PPP1R21: variants seen among roughly 807,000 people sequenced by gnomAD.
PPP1R21 encodes the protein KLRAQ motif containing 1.
Under a neutral mutation model 112.8 loss-of-function variants are expected in PPP1R21, and 85 were observed. That is an observed-to-expected ratio of 0.75 (90% CI 0.63 to 0.90). The LOEUF (loss-of-function observed/expected upper bound fraction) is 0.90. Ranked by LOEUF, PPP1R21 falls within the 40% of genes least tolerant of loss-of-function variation. PPP1R21 has a pLI of 0.00. For synonymous variants in PPP1R21, 381 were observed against 322.3 expected, an observed-to-expected ratio of 1.18 and a Z score of -1.95; for missense variants, 1,199 against 901.5, an observed-to-expected ratio of 1.33 and a Z score of -4.23.
Position 48,471,067 on chromosome 2 carries a change from AT to A in PPP1R21, c.898-19del. The stretch of plus-strand genomic sequence containing the variant: ...TTATTTTCCAGTGATTTAATTCACA[AT>A]ACTTTCCCTCCTGTTTAGTTCTCAC... On this transcript the variant is annotated intron_variant, in intron 9 of 21. Transcript: ENST00000294952. 6.7e-7 allele frequency: 1 copy of A among 1,494,312 alleles called. No homozygotes were observed. The highest frequency in any genetic ancestry group is 9.3e-7 in the Non-Finnish European group (1 of 1,073,632). The allele number at this position is 1,494,312 out of a possible 1,614,324, so 92.6% of individuals were successfully genotyped here.
intron 1 of PPP1R21, 53 bp from the exon 2 acceptor site, chr2:48,450,955 A>C: frequency 2.1e-6 from 3 of 1,453,072 alleles, no homozygotes; most frequent in South Asian, 2.3e-5. Flanking sequence ...GATTTCCTTG[A>C]TATAACCAAT....
rs530112994 is a variant in PPP1R21 at position 48,454,120 on chromosome 2, G to A, written c.127-475G>A. Among the ~76,000 whole-genome samples the A allele has an allele frequency of 2.1e-3, 323 of 152,248 alleles. 2 individuals are homozygous for A. The highest frequency in any genetic ancestry group is 4.8e-3 in the South Asian group (23 of 4,822). ...CTAAAAATACAAAAAAATTAGCCGA[G>A]TATGGTAGTGTGCGCCTGAAGTCCC... On this transcript the variant is annotated intron_variant, in intron 2 of 21. Transcript: ENST00000294952.
intron 1 of PPP1R21, among the ~76,000 whole-genome samples, chr2:48,450,604 G>T (rs1307677625): frequency 6.6e-6 from 1 of 152,152 alleles, no homozygotes; most frequent in African/African-American, 2.4e-5. Flanking sequence ...AATTAGTCCA[G>T]TTGTATGTAT....
intron 18 of PPP1R21, 78 bp downstream of exon 18, chr2:48,505,674 A>G (rs1459109360): frequency 5.0e-6 from 6 of 1,193,710 alleles, no homozygotes; most frequent in East Asian, 5.1e-5. Context: ...TGCAAAAGCC[A>G]TCTTTGTCTA....
chr2:48,507,162 A>G, intron 18 of PPP1R21, 107 bp from the exon 19 acceptor site: 1 of 1,378,628 alleles, frequency 7.3e-7, no homozygotes, highest in South Asian at 1.8e-5. Flanking sequence ...TTCCCCATCA[A>G]AGTTCAAGTG....
intron 11 of PPP1R21, 118 bp from the exon 12 acceptor site, chr2:48,474,565 A>T (rs1668665940): frequency 1.1e-6 from 1 of 896,490 alleles, no homozygotes; most frequent in Non-Finnish European, 1.7e-6. Context: ...ATGAGATCAA[A>T]TTCTTTTTTC....
intron 1 of PPP1R21, 131 bp from the exon 2 acceptor site, chr2:48,450,877 T>C (rs1440783722): frequency 7.5e-6 from 5 of 662,268 alleles, no homozygotes; most frequent in Non-Finnish European, 1.3e-5. Context: ...TCTAATACTT[T>C]TTTGTTCTCA....
chr2:48,487,799 T>A (rs4561709), intron 14 of PPP1R21, among the ~76,000 whole-genome samples: 2 of 151,812 alleles, frequency 1.3e-5, no homozygotes, highest in South Asian at 4.2e-4. Flanking sequence ...ATCATGGATA[T>A]TCCTGTTTCA....
intron 16 of PPP1R21, among the ~76,000 whole-genome samples, 181 bp from the exon 17 acceptor site, chr2:48,498,312 A>G (rs1267763427): frequency 6.6e-6 from 1 of 150,802 alleles, no homozygotes; most frequent in Non-Finnish European, 1.5e-5. Context: ...TAATTTCTCG[A>G]TTTATGGTTG....
At chr2:48,442,430 A>G (rs1217335626) in intron 1 of PPP1R21, among the ~76,000 whole-genome samples, 1 of 152,232 alleles carries the variant, frequency 6.6e-6, no homozygotes, top group Non-Finnish European at 1.5e-5. Flanking sequence ...TAGGGACTAC[A>G]TTGCTGAAAT....
chr2:48,448,592 CTAACGTCTTTAGATTTATAAAATAAAAT>C (rs1667348323), intron 1 of PPP1R21, among the ~76,000 whole-genome samples: 1 of 24,244 alleles, frequency 4.1e-5, no homozygotes, highest in African/African-American at 1.4e-4. Context: ...GAAATAAAAT[CTAACGTCTTTAGATTTATAAAATAAAAT>C]CTAAAGACTG....
intron 17 of PPP1R21, among the ~76,000 whole-genome samples, chr2:48,499,866 A>G (rs1670027898): frequency 6.6e-6 from 1 of 152,276 alleles, no homozygotes; most frequent in Admixed American, 6.5e-5. Flanking sequence ...ACTGTAAAAA[A>G]TTAGGAAAAT....
intron 11 of PPP1R21, among the ~76,000 whole-genome samples, chr2:48,474,339 C>T (rs1016720361): frequency 5.3e-5 from 8 of 152,126 alleles, no homozygotes; most frequent in Non-Finnish European, 8.8e-5. Flanking sequence ...GCCGAGATTG[C>T]GCCACTGTAC....
At chr2:48,460,205 A>G in intron 6 of PPP1R21, 52 bp downstream of exon 6, 3 of 1,584,710 alleles carry the variant, frequency 1.9e-6, no homozygotes, top group Non-Finnish European at 2.6e-6. Context: ...CTCAGAAGAC[A>G]TGGGTTTTGG....
At chr2:48,511,698 CAAA>C (rs758709933) in intron 21 of PPP1R21, among the ~76,000 whole-genome samples, 1 of 81,876 alleles carries the variant, frequency 1.2e-5, no homozygotes. Flanking sequence ...TTCATCTCTA[CAAA>C]AAAAAAAAAA....
chr2:48,492,346 T>G (rs971284329), intron 15 of PPP1R21, among the ~76,000 whole-genome samples: 1 of 151,938 alleles, frequency 6.6e-6, no homozygotes, highest in Non-Finnish European at 1.5e-5. Context: ...CTTTTCTCTT[T>G]TCTTGTCCTT....
At chr2:48,472,634 A>G (rs1171280580) in intron 11 of PPP1R21, among the ~76,000 whole-genome samples, 2 of 152,108 alleles carry the variant, frequency 1.3e-5, no homozygotes, top group Non-Finnish European at 2.9e-5. Context: ...TCAAAAAAAA[A>G]AAAAGGTTAA....
intron 4 of PPP1R21, 66 bp from the exon 5 acceptor site, chr2:48,459,688 C>G: frequency 1.3e-6 from 2 of 1,531,966 alleles, no homozygotes; most frequent in South Asian, 2.5e-5. Context: ...ATAGTCACTG[C>G]TGTTATTTTT....
At chr2:48,497,588 TTGA>T (rs1572888014) in intron 16 of PPP1R21, among the ~76,000 whole-genome samples, 2 of 152,310 alleles carry the variant, frequency 1.3e-5, no homozygotes, top group East Asian at 3.9e-4. Context: ...ATTGTGGTTG[TTGA>T]TATTAGTTTT....
Sources: allele counts gnomAD v4.1 joint callset (sites outside exome capture counted in the v4.1 genomes callset), GRCh38; gene constraint gnomAD v4.1.1; transcripts MANE v1.5; gene names NCBI Gene and HGNC (gene_info 2026-07-23, HGNC 2026-07-21).